Variants in CIP2A observed in about 807,000 individuals in gnomAD.
The protein encoded by CIP2A is protein CIP2A.
A neutral mutation model predicts 110.9 loss-of-function variants in CIP2A; 103 were observed. That is an observed-to-expected ratio of 0.93 (90% confidence interval 0.79 to 1.09). The LOEUF (loss-of-function observed/expected upper bound fraction) is 1.09, where lower values mean the gene tolerates loss of function less well. Among genes scored for constraint, CIP2A ranks in the 50% least tolerant of loss-of-function variants. The pLI is 0.00. For missense variants in CIP2A, 1,088 were observed against 1,038.4 expected (o/e 1.05, Z -0.66); for synonymous variants, 381 against 361.6 (o/e 1.05, Z -0.61).
chr3:108,567,965 A>G (rs1938242325), intron 10 of CIP2A, among the ~76,000 whole-genome samples, 190 bp downstream of exon 10: 1 of 151,854 alleles, frequency 6.6e-6, no homozygotes, highest in Non-Finnish European at 1.5e-5. Flanking sequence ...AAAAATAAGG[A>G]AAAAAAATCA....
In CIP2A at chr3:108,563,106, T is replaced by C. The variant is rs1369514085; in HGVS notation, c.1634+20A>G. 23 of 1,477,434 alleles carry C rather than the reference T, an allele frequency of 1.6e-5. No homozygotes were observed. The highest frequency in any genetic ancestry group is 2.2e-5 in the Non-Finnish European group (23 of 1,055,930). The allele number at this position is 1,477,434 out of a possible 1,614,324, so 91.5% of individuals were successfully genotyped here. A position where few individuals can be genotyped will look rare whatever the true frequency, so the allele number is the denominator to read the frequency against. ...TATTCCAACACCACAAGAGATACAC[T>C]GCAAATGATTACAACTCACACTAAA... On this transcript the variant is annotated intron_variant, in intron 13 of 20. Coordinates refer to ENST00000295746, the MANE Select transcript of CIP2A (RefSeq NM_020890.3).
rs1194636789 is a variant in CIP2A at position 108,589,345 on chromosome 3, GCAAGGACTT to G, written c.22_30del (p.Lys8_Leu10del). 1 of 1,613,780 alleles carries G rather than the reference GCAAGGACTT, an allele frequency of 6.2e-7. No homozygotes were observed. The highest frequency in any genetic ancestry group is 1.3e-5 in the African/African-American group (1 of 74,954). The stretch of plus-strand genomic sequence containing the variant: ...GCTTTGTACTGACTGACAGTCAGGA[GCAAGGACTT>G]CAAGCAGGCAGTGGAGTCCATTGCA... On this transcript the variant is annotated inframe_deletion, in exon 1 of 21. Coordinates refer to ENST00000295746, the MANE Select transcript of CIP2A (RefSeq NM_020890.3).
At chr3:108,557,017 G>C (rs984875559) in intron 17 of CIP2A, among the ~76,000 whole-genome samples, 1 of 152,138 alleles carries the variant, frequency 6.6e-6, no homozygotes, top group Admixed American at 6.6e-5. Flanking sequence ...GGAAAGACCT[G>C]TATTTTGTTT....
intron 12 of CIP2A, among the ~76,000 whole-genome samples, chr3:108,565,120 T>C (rs555931849): frequency 1.3e-5 from 2 of 152,052 alleles, no homozygotes; most frequent in East Asian, 3.9e-4. Flanking sequence ...GCAGCACTAT[T>C]GTGAACATTC....
At chr3:108,572,665 T>C (rs935643292) in intron 8 of CIP2A, among the ~76,000 whole-genome samples, 14 of 152,114 alleles carry the variant, frequency 9.2e-5, no homozygotes, top group African/African-American at 3.4e-4. Flanking sequence ...ATAAAATATA[T>C]ATTTACTGAT....
chr3:108,554,524 G>A, intron 17 of CIP2A, 35 bp from the exon 18 acceptor site: 1 of 870,248 alleles, frequency 1.1e-6, no homozygotes, highest in Non-Finnish European at 1.8e-6. Flanking sequence ...GCATCATTAT[G>A]GAGGAAAACA....
At position 108,557,417 on chromosome 3, in the gene CIP2A, C is replaced by CA. The variant is rs745591488; in HGVS notation, c.2014-4dup. On this transcript the variant is annotated splice_polypyrimidine_tract_variant and splice_region_variant and intron_variant, in intron 16 of 20. Transcript: ENST00000295746. ...AACATACTAGCAAGTGTCCGTGCCTCAAAAAAAAAAAGAAGATAGACTTTA... is the reference window on the plus strand; with the variant it reads ...AACATACTAGCAAGTGTCCGTGCCTCAAAAAAAAAAAAGAAGATAGACTTTA... 0.067 allele frequency: 67,142 copies of CA among 1,004,958 alleles called. 13 individuals carry two copies. Among genetic ancestry groups the CA allele is most frequent in the South Asian group, 0.083 (4,736 of 56,894 alleles). 62.3% of individuals were successfully genotyped at this position (1,004,958 alleles called of 1,614,324 possible). A position where few individuals can be genotyped will look rare whatever the true frequency, so the allele number is the denominator to read the frequency against.
chr3:108,568,457 T>A, intron 9 of CIP2A, 143 bp from the exon 10 acceptor site: 1 of 549,974 alleles, frequency 1.8e-6, no homozygotes, highest in Non-Finnish European at 3.0e-6. Context: ...TGTGAATATT[T>A]AAATTTTTAT....
chr3:108,553,336 C>T (rs1937645630), intron 19 of CIP2A, among the ~76,000 whole-genome samples: 1 of 151,738 alleles, frequency 6.6e-6, no homozygotes, highest in Non-Finnish European at 1.5e-5. Flanking sequence ...CCATGTTGCT[C>T]AGGCTGGTCT....
At chr3:108,560,303 C>G (rs1458125972) in intron 14 of CIP2A, among the ~76,000 whole-genome samples, 1 of 151,978 alleles carries the variant, frequency 6.6e-6, no homozygotes, top group Non-Finnish European at 1.5e-5. Context: ...TTCAGAGTAG[C>G]TGAGACAACA....
intron 18 of CIP2A, among the ~76,000 whole-genome samples, chr3:108,554,055 C>A (rs1390592101): frequency 6.6e-6 from 1 of 151,880 alleles, no homozygotes; most frequent in Non-Finnish European, 1.5e-5. Context: ...GCCACAACAC[C>A]CAGCTAATTT....
In CIP2A at chr3:108,576,295, T is replaced by C; in HGVS notation, c.870A>G (p.Gly290=). 1 of 1,565,660 alleles carries C rather than the reference T, an allele frequency of 6.4e-7. No individual in the cohort carries two copies. Among genetic ancestry groups the C allele is most frequent in the Non-Finnish European group, 8.7e-7 (1 of 1,155,864 alleles). ...CCTTTGAAGAGGAATCAGGATCCTT[T>C]CCATTAAGAAGACCTAATACTTGGT... ...CLHQVLGLLN[G]KDPDSSSKVL... Residue 290 remains glycine, a synonymous_variant, in exon 8 of 21, where the codon GGA becomes GGG. Coordinates refer to ENST00000295746, the MANE Select transcript of CIP2A (RefSeq NM_020890.3).
chr3:108,555,151 T>C (rs1029568585), intron 17 of CIP2A, among the ~76,000 whole-genome samples: 1 of 152,190 alleles, frequency 6.6e-6, no homozygotes, highest in Admixed American at 6.5e-5. Flanking sequence ...CACTTGTCCA[T>C]TCAAGGAATT....
At chr3:108,581,018 A>G (rs1460497677) in intron 5 of CIP2A, among the ~76,000 whole-genome samples, 1 of 152,188 alleles carries the variant, frequency 6.6e-6, no homozygotes, top group Admixed American at 6.5e-5. Flanking sequence ...CACTTAACTC[A>G]TGAATCTTTC....
chr3:108,584,616 AAC>A (rs1181396639), intron 2 of CIP2A, among the ~76,000 whole-genome samples: 2 of 152,160 alleles, frequency 1.3e-5, no homozygotes, highest in East Asian at 1.9e-4. Flanking sequence ...TACATTGGAT[AAC>A]ACAGTTTTAA....
intron 8 of CIP2A, among the ~76,000 whole-genome samples, chr3:108,574,313 G>C (rs1011860154): frequency 1.3e-5 from 2 of 152,092 alleles, no homozygotes; most frequent in Non-Finnish European, 2.9e-5. Flanking sequence ...CTACTGTATA[G>C]ACATTAGAAT....
intron 15 of CIP2A, 38 bp from the exon 16 acceptor site, chr3:108,559,905 T>C: frequency 6.3e-7 from 1 of 1,579,268 alleles, no homozygotes. Flanking sequence ...ATTTTAGGAA[T>C]ACATCTATTA....
At chr3:108,572,995 T>A (rs977341241) in intron 8 of CIP2A, among the ~76,000 whole-genome samples, 3 of 152,110 alleles carry the variant, frequency 2.0e-5, no homozygotes, top group Non-Finnish European at 4.4e-5. Context: ...CCTAGTGTGC[T>A]AATCTTTATC....
chr3:108,564,623 A>T (rs1938119400), intron 12 of CIP2A, among the ~76,000 whole-genome samples: 1 of 151,936 alleles, frequency 6.6e-6, no homozygotes, highest in Non-Finnish European at 1.5e-5. Context: ...AACCTGAGTT[A>T]GTATAATAAG....
Sources: gnomAD v4.1 joint callset for allele counts (sites outside exome capture counted in the v4.1 genomes callset) on GRCh38, gnomAD v4.1.1 for gene constraint, MANE v1.5 for transcripts, NCBI Gene and HGNC (gene_info 2026-07-23, HGNC 2026-07-21) for gene names.